The following AP1B1 variants were observed in gnomAD, a reference collection of about 807,000 sequenced individuals.
AP1B1 encodes the protein adaptor related protein complex 1 subunit beta 1, also known as AP-1 complex subunit beta-1.
A neutral mutation model predicts 104.3 loss-of-function variants in AP1B1; 36 were observed. That is an observed-to-expected ratio of 0.35 (90% CI 0.26 to 0.46). The LOEUF is 0.46. Among genes scored for constraint, AP1B1 ranks in the 20% least tolerant of loss-of-function variants. AP1B1 has a pLI of 1.00. For synonymous variants in AP1B1, 504 were observed against 517.5 expected, an observed-to-expected ratio of 0.97 and a Z score of 0.35; for missense variants, 901 against 1,247.9, an observed-to-expected ratio of 0.72 and a Z score of 4.19.
intron 11 of AP1B1, among the ~76,000 whole-genome samples, chr22:29,346,601 C>A (rs546379383): frequency 2.0e-5 from 3 of 152,232 alleles, no homozygotes; most frequent in Non-Finnish European, 4.4e-5. Flanking sequence ...GCTCACCTCC[C>A]GCTGTGCAGC....
chr22:29,369,764 C>T (rs2062201941), intron 1 of AP1B1, among the ~76,000 whole-genome samples: 1 of 152,090 alleles, frequency 6.6e-6, no homozygotes, highest in African/African-American at 2.4e-5. Flanking sequence ...GAGCCTCAGC[C>T]TGCTCTCTGG....
intron 7 of AP1B1, among the ~76,000 whole-genome samples, chr22:29,354,320 C>A (rs2061921255): frequency 6.6e-6 from 1 of 152,150 alleles, no homozygotes; most frequent in Admixed American, 6.5e-5. Flanking sequence ...TAAGCCAGGG[C>A]TTCTCAACCT....
At chr22:29,362,471 CGAGTAGCT>C (rs1355609146) in intron 3 of AP1B1, among the ~76,000 whole-genome samples, 1 of 152,008 alleles carries the variant, frequency 6.6e-6, no homozygotes, top group Non-Finnish European at 1.5e-5. Flanking sequence ...CTCAGCCTCC[CGAGTAGCT>C]GAGACTACAG....
chr22:29,339,219 T>C (rs1036600094), intron 15 of AP1B1, 86 bp from the exon 16 acceptor site: 4 of 1,503,838 alleles, frequency 2.7e-6, no homozygotes, highest in Non-Finnish European at 2.8e-6. Context: ...CCTGGCTCTT[T>C]AGAAGACACT....
intron 12 of AP1B1, among the ~76,000 whole-genome samples, chr22:29,342,029 C>A (rs1024708512): frequency 1.3e-5 from 2 of 152,258 alleles, no homozygotes; most frequent in African/African-American, 4.8e-5. Flanking sequence ...CCAACACACA[C>A]CCTCAGGTTT....
intron 1 of AP1B1, among the ~76,000 whole-genome samples, chr22:29,384,431 C>G (rs988017285): frequency 1.3e-5 from 2 of 150,330 alleles, no homozygotes; most frequent in African/African-American, 4.8e-5. Context: ...GTGCTTTGAA[C>G]CCCTTAGGAG....
intron 1 of AP1B1, among the ~76,000 whole-genome samples, chr22:29,381,145 C>A (rs2062430533): frequency 6.6e-6 from 1 of 152,152 alleles, no homozygotes; most frequent in South Asian, 2.1e-4. Context: ...CAGTCCCTCA[C>A]CTCTTTAGGT....
chr22:29,340,683 G>A lies in AP1B1; in HGVS notation c.1971C>T (p.Asp657=). 1 of 1,574,176 alleles carries A rather than the reference G, an allele frequency of 6.4e-7. No homozygotes were observed. The highest frequency in any genetic ancestry group is 1.2e-5 in the South Asian group (1 of 85,768). Residue 657 remains aspartate, a synonymous_variant, in exon 14 of 23, where the codon GAC becomes GAT. Transcript: ENST00000357586. ...ATSSVQMGAV[D]LLGGGLDSLM... ...GGCTGTCAAGGCCACCGCCAAGAAG[G>A]TCCACAGCTCCCATCTGCACCGAGG...
At chr22:29,361,442 G>C (rs944395298) in intron 3 of AP1B1, among the ~76,000 whole-genome samples, 86 of 152,286 alleles carry the variant, frequency 5.6e-4, no homozygotes, top group African/African-American at 2.0e-3. Flanking sequence ...AACTGGGCTT[G>C]AGTCCTAGTT....
Position 29,328,820 on chromosome 22 carries a change from C to A in AP1B1, c.*1G>T, listed in dbSNP as rs1268124598. 8.1e-6 allele frequency: 13 copies of A among 1,605,078 alleles called. No homozygotes were observed. Among genetic ancestry groups the A allele is most frequent in the Non-Finnish European group, 1.1e-5 (13 of 1,177,918 alleles). ...GGCTGGGGTGGGCGCTGGCCGGGGTCTCAGTTCTTGAGGATGGTCTCGTAG... is the reference window on the plus strand; with the variant it reads ...GGCTGGGGTGGGCGCTGGCCGGGGTATCAGTTCTTGAGGATGGTCTCGTAG... On this transcript the variant is annotated 3_prime_UTR_variant, in exon 23 of 23. Coordinates refer to ENST00000357586, the MANE Select transcript of AP1B1 (RefSeq NM_001127.4). This position sits in a 1 kb window ranked among gnomAD's most constrained non-coding sequence, Gnocchi z 4.1.
intron 16 of AP1B1, among the ~76,000 whole-genome samples, chr22:29,337,368 C>T (rs541224687): frequency 3.3e-5 from 5 of 152,290 alleles, no homozygotes; most frequent in South Asian, 2.1e-4. Context: ...TACTAGTGTC[C>T]GAGTTGCTGT....
At chr22:29,351,137 T>A in intron 9 of AP1B1, 34 bp downstream of exon 9, 2 of 1,579,298 alleles carry the variant, frequency 1.3e-6, no homozygotes, top group Non-Finnish European at 1.7e-6. Flanking sequence ...CCCCTTTTCC[T>A]TCTCCAGCCA....
chr22:29,348,328 C>T (rs968851872), intron 11 of AP1B1, among the ~76,000 whole-genome samples: 3 of 152,234 alleles, frequency 2.0e-5, no homozygotes, highest in African/African-American at 7.2e-5. Context: ...GCATCCTTTC[C>T]ACCACCTATT....
chr22:29,334,200 G>C, intron 17 of AP1B1, 65 bp downstream of exon 17: 1 of 1,429,228 alleles, frequency 7.0e-7, no homozygotes, highest in East Asian at 2.6e-5. Context: ...CCCCAGAACA[G>C]ACTCCGAGTG....
In AP1B1 at chr22:29,386,654, A is replaced by T. The variant is rs117087212; in HGVS notation, c.-28+1770T>A. The stretch of plus-strand genomic sequence containing the variant: ...ACTAGGAGAATAGATCACACAGCTT[A>T]AAAAAAAAAGGTATTACAGTAATAT... On this transcript the variant is annotated intron_variant, in intron 1 of 22. Transcript: ENST00000357586. Among the ~76,000 whole-genome samples the T allele has an allele frequency of 2.3e-3, 351 of 149,458 alleles. 6 individuals carry two copies. The East Asian group carries it at 0.032, about 14-fold the overall frequency.
intron 20 of AP1B1, 42 bp downstream of exon 20, chr22:29,330,581 G>A (rs745620788): frequency 1.1e-5 from 18 of 1,613,146 alleles, no homozygotes; most frequent in Non-Finnish European, 1.1e-5. Context: ...CGGGGGCCTG[G>A]GTACAGGCGA....
chr22:29,374,686 C>T (rs575978255), intron 1 of AP1B1, among the ~76,000 whole-genome samples: 5 of 152,172 alleles, frequency 3.3e-5, no homozygotes, highest in African/African-American at 1.2e-4. Context: ...TAGTCTGAAA[C>T]GCTACAACCT....
At chr22:29,371,550 T>C (rs1401223911) in intron 1 of AP1B1, among the ~76,000 whole-genome samples, 1 of 151,954 alleles carries the variant, frequency 6.6e-6, no homozygotes, top group Non-Finnish European at 1.5e-5. Flanking sequence ...GCTAACATGG[T>C]GAAACCCCAT....
chr22:29,348,374 T>C (rs147831111), intron 11 of AP1B1, among the ~76,000 whole-genome samples: 1 of 152,346 alleles, frequency 6.6e-6, no homozygotes, highest in African/African-American at 2.4e-5. Context: ...AGCTTTTTGT[T>C]GATTTCCTTG....
Sources: gnomAD v4.1 joint callset for allele counts (sites outside exome capture counted in the v4.1 genomes callset) on GRCh38, gnomAD v4.1.1 for gene constraint, Gnocchi (gnomAD v3.1) non-coding constraint, MANE v1.5 for transcripts, NCBI Gene and HGNC (gene_info 2026-07-23, HGNC 2026-07-21) for gene names.